The following C12orf43 variants were observed in gnomAD, a reference collection of about 807,000 sequenced individuals.
C12orf43 encodes chromosome 12 open reading frame 43.
A neutral mutation model predicts 20.6 loss-of-function variants in C12orf43; 15 were observed. That is an observed-to-expected ratio of 0.73 (90% CI 0.49 to 1.12). The LOEUF (loss-of-function observed/expected upper bound fraction) is 1.12. Ranked by LOEUF, C12orf43 falls within the 50% of genes most tolerant of loss-of-function variation. The pLI is 0.00. For missense variants in C12orf43, 334 were observed against 344.4 expected, an observed-to-expected ratio of 0.97 and a Z score of 0.24; for synonymous variants, 144 against 130.8, an observed-to-expected ratio of 1.10 and a Z score of -0.69.
At position 121,004,856 on chromosome 12, in the gene C12orf43, C is replaced by T. The variant is rs572136084; in HGVS notation, c.452+147G>A. The stretch of plus-strand genomic sequence containing the variant: ...CTGCCGCCAAGAGGGCTTTCCCTCC[C>T]GCTGAGCTCATGATTTCTCCAGCTG... On this transcript the variant is annotated intron_variant, in intron 5 of 5. Coordinates refer to ENST00000288757, the MANE Select transcript of C12orf43 (RefSeq NM_022895.3). This position sits in a 1 kb window ranked among gnomAD's most constrained non-coding sequence, Gnocchi z 5.6. 22 of 577,646 alleles carry T rather than the reference C, an allele frequency of 3.8e-5. No individual in the cohort carries two copies. Among genetic ancestry groups the T allele is most frequent in the Non-Finnish European group, 5.1e-5 (18 of 350,964 alleles). The allele number at this position is 577,646 out of a possible 1,614,324, so 35.8% of individuals were successfully genotyped here. A position where few individuals can be genotyped will look rare whatever the true frequency, so the allele number is the denominator to read the frequency against.
chr12:121,013,920 C>T (rs1430144977), intron 1 of C12orf43, among the ~76,000 whole-genome samples: 1 of 152,210 alleles, frequency 6.6e-6, no homozygotes, highest in East Asian at 1.9e-4. Context: ...GGGGCTAATA[C>T]ACCCTCTTGT....
chr12:121,005,631 C>T lies in C12orf43; in HGVS notation c.362-538G>A, dbSNP rs547998840. Among the ~76,000 whole-genome samples the T allele has an allele frequency of 2.9e-4, 44 of 152,360 alleles. No individual in the cohort carries two copies. The highest frequency in any genetic ancestry group is 5.6e-4 in the Non-Finnish European group (38 of 68,050). ...GGCAAATGTGTTGGTACAGGACAGA[C>T]GCAGATGGGCGAGGCTGTGGAGGGC... is the stretch of plus-strand genomic sequence containing the variant. On this transcript the variant is annotated intron_variant, in intron 4 of 5. Coordinates refer to ENST00000288757, the MANE Select transcript of C12orf43 (RefSeq NM_022895.3). The surrounding 1 kb of genome is among the most constrained non-coding windows in gnomAD (Gnocchi z 5.6).
Position 121,005,322 on chromosome 12 carries a change from G to A in C12orf43, c.362-229C>T, listed in dbSNP as rs1877922896. ...CAAGCAAACAAACAAAAAAAACAAA[G>A]GAGCAGAGTCAGCACCCCCAGATGC... On this transcript the variant is annotated intron_variant, in intron 4 of 5. Coordinates refer to ENST00000288757, the MANE Select transcript of C12orf43 (RefSeq NM_022895.3). This position sits in a 1 kb window ranked among gnomAD's most constrained non-coding sequence, Gnocchi z 5.6. Among the ~76,000 whole-genome samples, 1 of 151,124 alleles carries A rather than the reference G, an allele frequency of 6.6e-6. No homozygotes were observed. The highest frequency in any genetic ancestry group is 2.1e-4 in the South Asian group (1 of 4,724).
chr12:121,016,380 G>C lies in C12orf43; in HGVS notation c.95C>G (p.Pro32Arg). 1 of 1,613,910 alleles carries C rather than the reference G, an allele frequency of 6.2e-7. No individual in the cohort carries two copies. The highest frequency in any genetic ancestry group is 1.1e-5 in the South Asian group (1 of 91,090). Residue 32 changes from proline (P) to arginine (R), a missense_variant, in exon 1 of 6, where the codon CCG (proline) becomes CGG (arginine). Transcript: ENST00000288757. ...CGGGCGTTGCTCCAAGCCCCAAGCC[G>C]GCATTGCCGCCTCGCGGCACCGCTC... ...ELERCREAAM[P>R]AWGLEQRPHV...
chr12:121,002,463 T>C lies in C12orf43; in HGVS notation c.*1690A>G, dbSNP rs1467673201. 1 of 526,004 alleles carries C rather than the reference T, an allele frequency of 1.9e-6. No homozygotes were observed. 32.6% of individuals were successfully genotyped at this position (526,004 alleles called of 1,614,324 possible). ...GCAGCTTGTAGCCAGCCGGGGCGAG[T>C]GGCACGTTTATTTAACTTTTAGTAA... On this transcript the variant is annotated 3_prime_UTR_variant, in exon 6 of 6. Transcript: ENST00000288757.
chr12:121,007,663 C>A (rs564301345), intron 3 of C12orf43, among the ~76,000 whole-genome samples: 69 of 152,228 alleles, frequency 4.5e-4, no homozygotes, highest in Non-Finnish European at 8.5e-4. Flanking sequence ...TCTCTAGAGG[C>A]ACAAGGCCAG....
chr12:121,002,016 C>T lies in C12orf43; in HGVS notation c.*2137G>A, dbSNP rs1380966082. ...TTACTCCTGTGGGAGCCTCGCAACC[C>T]GTGCCAAGTCCAGGTCCTGGTGGGG... On this transcript the variant is annotated 3_prime_UTR_variant, in exon 6 of 6. Transcript: ENST00000288757. 4.3e-5 allele frequency: 23 copies of T among 536,702 alleles called. 1 individual carries two copies. Among genetic ancestry groups the T allele is most frequent in the South Asian group, 3.1e-4 (20 of 65,256 alleles). The allele number at this position is 536,702 out of a possible 1,614,324, so 33.2% of individuals were successfully genotyped here. A position where few individuals can be genotyped will look rare whatever the true frequency, so the allele number is the denominator to read the frequency against.
Position 121,004,916 on chromosome 12 carries a change from T to A in C12orf43, c.452+87A>T, listed in dbSNP as rs1877857880. ...GCCACTGCCTTGGCCTGGTCCTGAC[T>A]GGAGTCTGCTTGGCTATTCCAGGGA... On this transcript the variant is annotated intron_variant, in intron 5 of 5. Coordinates refer to ENST00000288757, the MANE Select transcript of C12orf43 (RefSeq NM_022895.3). The surrounding 1 kb of genome is among the most constrained non-coding windows in gnomAD (Gnocchi z 5.6). 4 of 990,176 alleles carry A rather than the reference T, an allele frequency of 4.0e-6. No individual in the cohort carries two copies. Among genetic ancestry groups the A allele is most frequent in the Middle Eastern group, 3.1e-4 (1 of 3,276 alleles). The allele number at this position is 990,176 out of a possible 1,614,324, so 61.3% of individuals were successfully genotyped here.
Position 121,000,926 on chromosome 12 carries a change from G to GTT in C12orf43, c.*3226_*3227insAA. 1 of 1,225,252 alleles carries GTT rather than the reference G, an allele frequency of 8.2e-7. No individual in the cohort carries two copies. Among genetic ancestry groups the GTT allele is most frequent in the South Asian group, 1.3e-5 (1 of 79,768 alleles). 75.9% of individuals were successfully genotyped at this position (1,225,252 alleles called of 1,614,324 possible). A position where few individuals can be genotyped will look rare whatever the true frequency, so the allele number is the denominator to read the frequency against. On this transcript the variant is annotated 3_prime_UTR_variant, in exon 6 of 6. Coordinates refer to ENST00000288757, the MANE Select transcript of C12orf43 (RefSeq NM_022895.3). ...CCTTTGAAGAACCGAGGGTAGAGGT[G>GTT]TGACTTTGGGGTTCCTGTTATCTGC...
intron 1 of C12orf43, 71 bp from the exon 2 acceptor site, chr12:121,011,217 C>T (rs377566766): frequency 9.0e-5 from 118 of 1,312,008 alleles, no homozygotes; most frequent in Non-Finnish European, 1.2e-4. Flanking sequence ...GTGCCAGGCA[C>T]TATTTTCAGC....
chr12:121,013,227 A>T (rs888011821), intron 1 of C12orf43, among the ~76,000 whole-genome samples: 4 of 152,124 alleles, frequency 2.6e-5, no homozygotes, highest in Non-Finnish European at 5.9e-5. Flanking sequence ...GTCTTTAAAG[A>T]CCTGGTCTTT....
Position 121,002,468 on chromosome 12 carries a change from C to G in C12orf43, c.*1685G>C, listed in dbSNP as rs776099614. On this transcript the variant is annotated 3_prime_UTR_variant, in exon 6 of 6. Transcript: ENST00000288757. ...TTGTAGCCAGCCGGGGCGAGTGGCA[C>G]GTTTATTTAACTTTTAGTAAAGTCA... The G allele has an allele frequency of 1.9e-6, 1 of 523,992 alleles. No homozygotes were observed. Among genetic ancestry groups the G allele is most frequent in the South Asian group, 1.5e-5 (1 of 65,166 alleles). The allele number at this position is 523,992 out of a possible 1,614,324, so 32.5% of individuals were successfully genotyped here. A position where few individuals can be genotyped will look rare whatever the true frequency, so the allele number is the denominator to read the frequency against.
At chr12:121,013,854 T>C (rs1030966378) in intron 1 of C12orf43, among the ~76,000 whole-genome samples, 1 of 152,226 alleles carries the variant, frequency 6.6e-6, no homozygotes, top group African/African-American at 2.4e-5. Flanking sequence ...CACTCACAAA[T>C]TGGACAACCT....
chr12:121,011,715 C>T (rs948069758), intron 1 of C12orf43, among the ~76,000 whole-genome samples: 6 of 152,104 alleles, frequency 3.9e-5, no homozygotes, highest in African/African-American at 9.7e-5. Flanking sequence ...TTAACCACCA[C>T]GCTGTGCTGA....
chr12:121,012,557 T>G, intron 1 of C12orf43: 1 of 695,298 alleles, frequency 1.4e-6, no homozygotes, highest in Non-Finnish European at 2.6e-6. Flanking sequence ...GATGCACTTT[T>G]AAGATGGAGT....
chr12:121,005,450 A>G lies in C12orf43; in HGVS notation c.362-357T>C, dbSNP rs1215978382. Among the ~76,000 whole-genome samples, 1 of 152,146 alleles carries G rather than the reference A, an allele frequency of 6.6e-6. No individual in the cohort carries two copies. The highest frequency in any genetic ancestry group is 2.4e-5 in the African/African-American group (1 of 41,446). On this transcript the variant is annotated intron_variant, in intron 4 of 5. Transcript: ENST00000288757. The surrounding 1 kb of genome is among the most constrained non-coding windows in gnomAD (Gnocchi z 5.6). ...CCCAGGAATCAGTCGTCTAACTACA[A>G]AGTGATTCTGCATCTGCCAAGGGTC...
rs201229780 is a variant in C12orf43, at chr12:121,003,025, C to CTTTTTTT, written c.*1127_*1128insAAAAAAA. On this transcript the variant is annotated 3_prime_UTR_variant, in exon 6 of 6. Transcript: ENST00000288757. The stretch of plus-strand genomic sequence containing the variant: ...ATGAGCTTCTACTTCTTTTCTTTTT[C>CTTTTTTT]TTTTTCTTTTTTTTTTTTTGAGATA... 5 of 120,272 alleles carry CTTTTTTT rather than the reference C, an allele frequency of 4.2e-5. 1 individual carries two copies. Among genetic ancestry groups the CTTTTTTT allele is most frequent in the Admixed American group, 8.8e-5 (1 of 11,348 alleles). 7.5% of individuals were successfully genotyped at this position (120,272 alleles called of 1,614,324 possible). A position where few individuals can be genotyped will look rare whatever the true frequency, so the allele number is the denominator to read the frequency against.
intron 1 of C12orf43, 92 bp downstream of exon 1, chr12:121,016,238 T>A: frequency 6.3e-7 from 1 of 1,587,928 alleles, no homozygotes; most frequent in Non-Finnish European, 8.6e-7. Flanking sequence ...GGAAGCCGAG[T>A]CCCAGTGACT....
chr12:121,012,413 A>G (rs893544958), intron 1 of C12orf43: 2 of 702,436 alleles, frequency 2.8e-6, no homozygotes, highest in Admixed American at 4.0e-5. Flanking sequence ...ATGAGCAGAG[A>G]AGGGACATAA....
Sources: gnomAD v4.1 joint callset for allele counts (sites outside exome capture counted in the v4.1 genomes callset) on GRCh38, gnomAD v4.1.1 for gene constraint, Gnocchi (gnomAD v3.1) non-coding constraint, MANE v1.5 for transcripts, NCBI Gene and HGNC (gene_info 2026-07-23, HGNC 2026-07-21) for gene names.